DOCK8: variants seen among roughly 807,000 people sequenced by gnomAD.
The protein encoded by DOCK8 is dedicator of cytokinesis 8.
In DOCK8, 141 loss-of-function variants were observed where a neutral mutation model predicts 245.6. The ratio of observed to expected loss-of-function variants is 0.57; its 90% confidence interval spans 0.50 to 0.66. The LOEUF (loss-of-function observed/expected upper bound fraction) is 0.66. Among genes scored for constraint, DOCK8 ranks in the 30% least tolerant of loss-of-function variants. The pLI, the probability that DOCK8 is intolerant of heterozygous loss-of-function variation, is 0.00. For missense variants in DOCK8, 2,965 were observed against 2,603.4 expected, an observed-to-expected ratio of 1.14 and a Z score of -3.02; for synonymous variants, 1,168 against 970.2, an observed-to-expected ratio of 1.20 and a Z score of -3.79.
chr9:382,345 TC>T (rs1267983519), intron 21 of DOCK8, among the ~76,000 whole-genome samples, 167 bp from the exon 22 acceptor site: 1 of 152,192 alleles, frequency 6.6e-6, no homozygotes, highest in African/African-American at 2.4e-5. Flanking sequence ...TCTACTTCTC[TC>T]CAAAAGATTG....
At chr9:400,949 A>ACCACCACCACCACCAGCT (rs1564016678) in intron 26 of DOCK8, among the ~76,000 whole-genome samples, 3 of 113,386 alleles carry the variant, frequency 2.6e-5, no homozygotes, top group Non-Finnish European at 5.7e-5. Context: ...CACCACCATC[A>ACCACCACCACCACCAGCT]CCACCACCAC....
chr9:446,573 C>T lies in DOCK8; in HGVS notation c.5784C>T (p.Ile1928=). The change falls in exon 44 of 48, where the codon ATC becomes ATT. Residue 1928 remains isoleucine, a synonymous_variant. Transcript: ENST00000432829. ...VLTTMHAFPY[I]KTRISVIQKE... ...CCACTATGCACGCCTTCCCCTACATCAAGACCAGGATCAGCGTCATCCAGA... is the reference window on the plus strand; with the variant it reads ...CCACTATGCACGCCTTCCCCTACATTAAGACCAGGATCAGCGTCATCCAGA... The T allele has an allele frequency of 6.2e-7, 1 of 1,614,194 alleles. No homozygotes were observed. Among genetic ancestry groups the T allele is most frequent in the Non-Finnish European group, 8.5e-7 (1 of 1,180,018 alleles).
chr9:389,171 G>A (rs2054081372), intron 23 of DOCK8, among the ~76,000 whole-genome samples: 1 of 152,148 alleles, frequency 6.6e-6, no homozygotes. Context: ...TTCTATTTTA[G>A]GACCAGGACA....
intron 1 of DOCK8, among the ~76,000 whole-genome samples, chr9:258,102 GTTTA>G (rs34138944): frequency 0.48 from 73,314 of 151,786 alleles, 18,089 homozygotes; most frequent in East Asian, 0.8. Context: ...AAGTTCCATA[GTTTA>G]TTTAACAAAG....
At chr9:389,993 C>T (rs182654270) in intron 23 of DOCK8, among the ~76,000 whole-genome samples, 1 of 151,998 alleles carries the variant, frequency 6.6e-6, no homozygotes, top group Admixed American at 6.5e-5. Flanking sequence ...GCATTCCAGC[C>T]TGGGCGACAG....
At chr9:421,758 C>G (rs572913498) in intron 32 of DOCK8, among the ~76,000 whole-genome samples, 1 of 152,282 alleles carries the variant, frequency 6.6e-6, no homozygotes, top group South Asian at 2.1e-4. Context: ...CTTTCATACC[C>G]AATAATTCAG....
At chr9:330,779 T>G (rs1425793891) in intron 9 of DOCK8, among the ~76,000 whole-genome samples, 1 of 152,218 alleles carries the variant, frequency 6.6e-6, no homozygotes, top group Non-Finnish European at 1.5e-5. Context: ...CTTTCCATGG[T>G]TATGAGGAGT....
intron 24 of DOCK8, among the ~76,000 whole-genome samples, chr9:395,312 A>C (rs1228156502): frequency 6.6e-6 from 1 of 152,150 alleles, no homozygotes; most frequent in Non-Finnish European, 1.5e-5. Flanking sequence ...TGAAACACAT[A>C]AAGCCTGTGT....
At chr9:325,644 A>G (rs749515823) in intron 7 of DOCK8, 27 bp from the exon 8 acceptor site, 27 of 1,604,936 alleles carry the variant, frequency 1.7e-5, no homozygotes, top group Non-Finnish European at 2.2e-5. Context: ...TCAAAGCCAC[A>G]TAGATTTTCC....
intron 1 of DOCK8, among the ~76,000 whole-genome samples, chr9:243,549 C>T (rs16922040): frequency 0.016 from 2,477 of 152,206 alleles, 68 homozygotes; most frequent in African/African-American, 0.056. Flanking sequence ...AGATTAGTTC[C>T]GTGACAGTCC....
At chr9:349,770 T>C (rs2052069334) in intron 14 of DOCK8, among the ~76,000 whole-genome samples, 1 of 152,196 alleles carries the variant, frequency 6.6e-6, no homozygotes, top group Non-Finnish European at 1.5e-5. Flanking sequence ...TTAATGTCCT[T>C]AAAGGTAATA....
chr9:443,415 C>A lies in DOCK8; in HGVS notation c.5491-12C>A, dbSNP rs751149243. Reference sequence around the variant, plus strand: ...AAATAACCTTTATAAACTGTTGGTTCTTCTTACCTAGGCATTTTATGGTCA... The same window carrying A: ...AAATAACCTTTATAAACTGTTGGTTATTCTTACCTAGGCATTTTATGGTCA... On this transcript the variant is annotated splice_polypyrimidine_tract_variant and intron_variant, in intron 42 of 47. Coordinates refer to ENST00000432829, the MANE Select transcript of DOCK8 (RefSeq NM_203447.4). 2 of 1,612,514 alleles carry A rather than the reference C, an allele frequency of 1.2e-6. 1 individual carries two copies. Among genetic ancestry groups the A allele is most frequent in the South Asian group, 2.2e-5 (2 of 91,030 alleles).
chr9:284,187 G>C (rs1407411412), intron 2 of DOCK8, among the ~76,000 whole-genome samples: 1 of 152,134 alleles, frequency 6.6e-6, no homozygotes, highest in Non-Finnish European at 1.5e-5. Flanking sequence ...TTATCCTGTG[G>C]GGTTGGTCCT....
chr9:383,501 T>C (rs10733485), intron 22 of DOCK8, among the ~76,000 whole-genome samples: 140,404 of 152,114 alleles, frequency 0.92, 64,795 homozygotes, highest in South Asian at 0.97. Flanking sequence ...CATTTCACTC[T>C]AGCCTGGGCA....
intron 1 of DOCK8, chr9:215,296 AC>A (rs2046721115): frequency 1.2e-6 from 2 of 1,605,760 alleles, no homozygotes; most frequent in African/African-American, 2.7e-5. Context: ...TCCCCGAACA[AC>A]CTCGCCCGCT....
At chr9:433,751 C>T in intron 37 of DOCK8, 124 bp from the exon 38 acceptor site, 1 of 790,284 alleles carries the variant, frequency 1.3e-6, no homozygotes, top group East Asian at 2.6e-5. Flanking sequence ...ACTCCGCCAT[C>T]CCTAGTCTCT....
chr9:303,213 G>C (rs776048240), intron 4 of DOCK8, among the ~76,000 whole-genome samples: 18 of 151,086 alleles, frequency 1.2e-4, no homozygotes, highest in Non-Finnish European at 1.9e-4. Flanking sequence ...CAGTCACTAT[G>C]GAATGCAGTG....
intron 2 of DOCK8, 97 bp downstream of exon 2, chr9:271,826 C>T: frequency 1.3e-6 from 1 of 790,686 alleles, no homozygotes; most frequent in Non-Finnish European, 2.1e-6. Flanking sequence ...CCTACCATCA[C>T]CTCACATTCT....
chr9:224,971 T>TA (rs2046960352), intron 1 of DOCK8, among the ~76,000 whole-genome samples: 1 of 152,192 alleles, frequency 6.6e-6, no homozygotes, highest in African/African-American at 2.4e-5. Flanking sequence ...TTTAATATCT[T>TA]ACTCTTTCAT....
Sources: allele counts gnomAD v4.1 joint callset (sites outside exome capture counted in the v4.1 genomes callset), GRCh38; gene constraint gnomAD v4.1.1; transcripts MANE v1.5; gene names NCBI Gene and HGNC (gene_info 2026-07-23, HGNC 2026-07-21).